Variants in ESR1 observed in about 807,000 individuals in gnomAD.
ESR1 encodes estrogen receptor.
A neutral mutation model predicts 52.7 loss-of-function variants in ESR1; 12 were observed. That is an observed-to-expected ratio of 0.23 (90% CI 0.15 to 0.37). ESR1 has a LOEUF of 0.37. ESR1 is among the 10% of genes least tolerant of loss of function. ESR1 has a pLI of 1.00. For synonymous variants in ESR1, 305 were observed against 316.8 expected (o/e 0.96, Z 0.39); for missense variants, 584 against 779.7 (o/e 0.75, Z 2.99).
chr6:151,851,419 G>C (rs1288424014), intron 2 of ESR1, among the ~76,000 whole-genome samples: 1 of 151,998 alleles, frequency 6.6e-6, no homozygotes, highest in Admixed American at 6.6e-5. Context: ...AATATTCTCA[G>C]AGTCACTCAA....
At chr6:151,897,149 A>T (rs924837276) in intron 3 of ESR1, among the ~76,000 whole-genome samples, 1 of 152,190 alleles carries the variant, frequency 6.6e-6, no homozygotes, top group Non-Finnish European at 1.5e-5. Context: ...TAGAATGTAT[A>T]TTCTGTGGTT....
chr6:152,098,908 A>G lies in ESR1; in HGVS notation c.1730A>G (p.His577Arg). 6.2e-7 allele frequency: 1 copy of G among 1,614,202 alleles called. No individual in the cohort carries two copies. The highest frequency in any genetic ancestry group is 1.1e-5 in the South Asian group (1 of 91,090). The change falls in exon 8 of 8, where the codon CAT (histidine) becomes CGT (arginine). Residue 577 changes from histidine to arginine, a missense_variant. Coordinates refer to ENST00000206249, the MANE Select transcript of ESR1 (RefSeq NM_000125.4). The surrounding 1 kb of genome is among the most constrained non-coding windows in gnomAD (Gnocchi z 5.1). The part of the protein sequence containing the change: ...HLATAGSTSS[H>R]SLQKYYITGE... ...GCCACTGCGGGCTCTACTTCATCGC[A>G]TTCCTTGCAAAAGTATTACATCACG...
At chr6:151,809,612 A>G (rs1290458325) in intron 1 of ESR1, among the ~76,000 whole-genome samples, 1 of 152,142 alleles carries the variant, frequency 6.6e-6, no homozygotes, top group Non-Finnish European at 1.5e-5. Context: ...GTTTCCAGGG[A>G]TATTTATAGC....
intron 2 of ESR1, among the ~76,000 whole-genome samples, chr6:151,796,559 A>G (rs1424227179): frequency 1.3e-5 from 2 of 152,220 alleles, no homozygotes; most frequent in African/African-American, 4.8e-5. Context: ...TTTGTAAAAC[A>G]CTTGATAGAT....
At chr6:151,826,485 A>G (rs1159248281) in intron 1 of ESR1, among the ~76,000 whole-genome samples, 1 of 152,208 alleles carries the variant, frequency 6.6e-6, no homozygotes, top group Non-Finnish European at 1.5e-5. Flanking sequence ...TCTGAAAAGT[A>G]AAAGGGCAGC....
At chr6:152,042,293 A>G (rs1438034535) in intron 5 of ESR1, among the ~76,000 whole-genome samples, 1 of 152,194 alleles carries the variant, frequency 6.6e-6, no homozygotes, top group Non-Finnish European at 1.5e-5. Flanking sequence ...CCACAGGATG[A>G]GTCTGGGACC....
chr6:152,014,554 CAACACTCACCTAGACACTA>C (rs1475957476), intron 5 of ESR1, among the ~76,000 whole-genome samples: 2 of 152,134 alleles, frequency 1.3e-5, no homozygotes, highest in Non-Finnish European at 2.9e-5. Context: ...TTGGTGACAT[CAACACTCACCTAGACACTA>C]AAGCTAGAAG....
At chr6:151,714,902 C>T (rs1780907606) in intron 2 of ESR1, among the ~76,000 whole-genome samples, 1 of 152,074 alleles carries the variant, frequency 6.6e-6, no homozygotes, top group Non-Finnish European at 1.5e-5. Flanking sequence ...GGTTATTTTG[C>T]CCATTAGTTG....
At chr6:151,690,150 C>A (rs1164270639), upstream of ESR1, among the ~76,000 whole-genome samples, 1 of 152,188 alleles carries the variant, frequency 6.6e-6, no homozygotes, top group Non-Finnish European at 1.5e-5. Context: ...TATTTCCTTG[C>A]CCCTGCTTTT....
intron 2 of ESR1, among the ~76,000 whole-genome samples, chr6:151,798,112 T>C (rs139036338): frequency 6.6e-6 from 1 of 152,034 alleles, no homozygotes; most frequent in African/African-American, 2.4e-5. Flanking sequence ...GAGGAAGGAG[T>C]GTCAGTGACT....
chr6:151,691,482 G>A (rs754973966), intron 1 of ESR1, among the ~76,000 whole-genome samples: 6 of 152,204 alleles, frequency 3.9e-5, no homozygotes, highest in African/African-American at 7.2e-5. Flanking sequence ...AAACAAGTCC[G>A]TAGGAGCCAA....
At chr6:151,887,417 T>A (rs1034333346) in intron 3 of ESR1, among the ~76,000 whole-genome samples, 3 of 152,218 alleles carry the variant, frequency 2.0e-5, no homozygotes, top group East Asian at 3.9e-4. Context: ...ATCAAGTAAG[T>A]GAATCACATA....
intron 4 of ESR1, among the ~76,000 whole-genome samples, chr6:151,973,921 C>T (rs2039171717): frequency 6.6e-6 from 1 of 152,118 alleles, no homozygotes; most frequent in Admixed American, 6.5e-5. Flanking sequence ...CAGTTTTCGT[C>T]ATTGATTTAA....
At chr6:152,025,661 AT>A (rs973752871) in intron 5 of ESR1, among the ~76,000 whole-genome samples, 1 of 151,482 alleles carries the variant, frequency 6.6e-6, no homozygotes, top group Non-Finnish European at 1.5e-5. Context: ...TATTTTGTTG[AT>A]TTTTTTCCTC....
intron 3 of ESR1, among the ~76,000 whole-genome samples, chr6:151,910,792 G>T (rs1425940833): frequency 6.6e-6 from 1 of 152,118 alleles, no homozygotes; most frequent in Non-Finnish European, 1.5e-5. Context: ...ATTTCAGTTT[G>T]TATGCCTTCG....
chr6:151,795,096 T>C (rs1776562136), intron 2 of ESR1, among the ~76,000 whole-genome samples: 1 of 152,142 alleles, frequency 6.6e-6, no homozygotes, highest in South Asian at 2.1e-4. Context: ...CAACAACTCT[T>C]TGAGGTGGAA....
intron 5 of ESR1, among the ~76,000 whole-genome samples, chr6:152,047,278 A>G (rs561416337): frequency 5.9e-5 from 9 of 152,164 alleles, no homozygotes; most frequent in African/African-American, 2.2e-4. Flanking sequence ...AGTGCTTAGG[A>G]CCTAGTAAGA....
intron 1 of ESR1, among the ~76,000 whole-genome samples, chr6:151,677,074 C>T (rs560104677): frequency 1.3e-5 from 2 of 152,290 alleles, no homozygotes; most frequent in Admixed American, 1.3e-4. Flanking sequence ...TGATCTCAAA[C>T]TCCTGAACTG....
chr6:151,747,211 A>G (rs1783550170), intron 2 of ESR1, among the ~76,000 whole-genome samples: 1 of 152,230 alleles, frequency 6.6e-6, no homozygotes, highest in Non-Finnish European at 1.5e-5. Context: ...TTTCGTACCC[A>G]GAAAGCTCTT....
Sources: allele counts gnomAD v4.1 joint callset (sites outside exome capture counted in the v4.1 genomes callset), GRCh38; gene constraint gnomAD v4.1.1; non-coding constraint Gnocchi (gnomAD v3.1); transcripts MANE v1.5; gene names NCBI Gene and HGNC (gene_info 2026-07-23, HGNC 2026-07-21).